ADAM12: variants seen among roughly 807,000 people sequenced by gnomAD.
ADAM12 encodes disintegrin and metalloproteinase domain-containing protein 12.
Under a neutral mutation model 106.4 loss-of-function variants are expected in ADAM12, and 70 were observed. That is an observed-to-expected ratio of 0.66 (90% CI 0.54 to 0.80). ADAM12 has a LOEUF of 0.80. Among genes scored for constraint, ADAM12 ranks in the 30% least tolerant of loss-of-function variants. The probability of loss-of-function intolerance (pLI) is 0.00; values close to 1 mark genes in which losing one functional copy is unlikely to be tolerated. For missense variants in ADAM12, 1,010 were observed against 1,171.9 expected, an observed-to-expected ratio of 0.86 and a Z score of 2.02; for synonymous variants, 420 against 433.5, an observed-to-expected ratio of 0.97 and a Z score of 0.39.
At chr10:126,340,589 T>C (rs1397875049) in intron 1 of ADAM12, among the ~76,000 whole-genome samples, 2 of 152,330 alleles carry the variant, frequency 1.3e-5, no homozygotes, top group Admixed American at 1.3e-4. Context: ...ACTTGGAGTA[T>C]GATTCAGACT....
chr10:126,075,884 G>T (rs1955091062), intron 11 of ADAM12, among the ~76,000 whole-genome samples: 1 of 152,184 alleles, frequency 6.6e-6, no homozygotes, highest in Non-Finnish European at 1.5e-5. Flanking sequence ...CTGTGCCTCT[G>T]TATGGGCCAG....
intron 5 of ADAM12, among the ~76,000 whole-genome samples, chr10:126,124,454 T>A (rs1956165953): frequency 6.6e-6 from 1 of 152,178 alleles, no homozygotes; most frequent in Admixed American, 6.5e-5. Context: ...ATATTCTTTA[T>A]CCTTTTACTA....
chr10:126,190,107 G>A (rs1269304138), intron 3 of ADAM12, among the ~76,000 whole-genome samples: 1 of 152,120 alleles, frequency 6.6e-6, no homozygotes, highest in Non-Finnish European at 1.5e-5. Flanking sequence ...CCCACCTGTT[G>A]AGACATCCCA....
intron 3 of ADAM12, among the ~76,000 whole-genome samples, chr10:126,247,276 G>T (rs1003834356): frequency 2.6e-5 from 4 of 152,178 alleles, no homozygotes; most frequent in Admixed American, 2.0e-4. Flanking sequence ...CCTTTAGAGA[G>T]AGTCTGAAAA....
chr10:126,347,268 C>T (rs559214937), intron 1 of ADAM12, among the ~76,000 whole-genome samples: 1 of 152,138 alleles, frequency 6.6e-6, no homozygotes, highest in Admixed American at 6.5e-5. Flanking sequence ...TTTTATTTCT[C>T]CTTCACTTAT....
chr10:126,144,057 G>C (rs1011122434), intron 4 of ADAM12, among the ~76,000 whole-genome samples: 2 of 152,174 alleles, frequency 1.3e-5, no homozygotes, highest in Admixed American at 1.3e-4. Context: ...TCCATAACAA[G>C]AACCATGTCT....
intron 3 of ADAM12, among the ~76,000 whole-genome samples, chr10:126,172,042 A>G (rs1307992222): frequency 6.6e-6 from 1 of 152,248 alleles, no homozygotes; most frequent in Non-Finnish European, 1.5e-5. Context: ...GATGTAATTT[A>G]TAATGATCAG....
chr10:126,073,162 C>T (rs184995528), intron 11 of ADAM12, among the ~76,000 whole-genome samples: 33 of 152,320 alleles, frequency 2.2e-4, no homozygotes, highest in East Asian at 3.9e-4. Context: ...TGCAGTGTCT[C>T]ACTGCAACCT....
At chr10:126,300,723 G>A (rs1960583016) in intron 2 of ADAM12, among the ~76,000 whole-genome samples, 1 of 151,920 alleles carries the variant, frequency 6.6e-6, no homozygotes. Context: ...GACCCTACTG[G>A]AGAATAAAAT....
At chr10:126,095,809 A>T (rs1391420566) in intron 10 of ADAM12, among the ~76,000 whole-genome samples, 1 of 152,128 alleles carries the variant, frequency 6.6e-6, no homozygotes, top group Non-Finnish European at 1.5e-5. Context: ...AGCCTCTGTA[A>T]CTGTAAGAAA....
intron 1 of ADAM12, among the ~76,000 whole-genome samples, chr10:126,359,788 C>T (rs551256970): frequency 6.6e-6 from 1 of 152,328 alleles, no homozygotes; most frequent in African/African-American, 2.4e-5. Context: ...CCTCTTCTCA[C>T]AGCTCTACTA....
intron 1 of ADAM12, among the ~76,000 whole-genome samples, chr10:126,351,473 C>T (rs1855356704): frequency 6.6e-6 from 1 of 152,172 alleles, no homozygotes; most frequent in Non-Finnish European, 1.5e-5. Flanking sequence ...GCTGGATTTC[C>T]CTGCCTGACA....
chr10:126,138,960 T>C (rs1243178515), intron 4 of ADAM12, among the ~76,000 whole-genome samples: 1 of 152,230 alleles, frequency 6.6e-6, no homozygotes, highest in Non-Finnish European at 1.5e-5. Flanking sequence ...GAACCATTTG[T>C]TGAAACACCT....
intron 11 of ADAM12, among the ~76,000 whole-genome samples, chr10:126,073,090 T>C (rs1413682863): frequency 6.6e-6 from 1 of 152,074 alleles, no homozygotes; most frequent in East Asian, 1.9e-4. Flanking sequence ...AATGACCAGG[T>C]ATTTATTTTT....
chr10:126,281,065 T>G, intron 2 of ADAM12, among the ~76,000 whole-genome samples: 1 of 152,324 alleles, frequency 6.6e-6, no homozygotes, highest in South Asian at 2.1e-4. Flanking sequence ...TTGCCTATAC[T>G]TGCTGACACC....
intron 2 of ADAM12, among the ~76,000 whole-genome samples, chr10:126,323,434 G>T (rs1854177854): frequency 3.3e-5 from 5 of 152,224 alleles, no homozygotes; most frequent in Admixed American, 3.3e-4. Context: ...CATTCTATCA[G>T]CTAGACGCAG....
chr10:126,168,365 T>C (rs1676746), intron 3 of ADAM12, among the ~76,000 whole-genome samples: 14,879 of 152,184 alleles, frequency 0.098, 2,093 homozygotes, highest in African/African-American at 0.31. Flanking sequence ...TGACTTTGAA[T>C]ATGAAATCCG....
intron 1 of ADAM12, among the ~76,000 whole-genome samples, chr10:126,360,733 A>G (rs144502867): frequency 0.011 from 1,615 of 152,142 alleles, 39 homozygotes; most frequent in African/African-American, 0.037. Context: ...AACTGTTTCA[A>G]CCTTTGCCTG....
intron 2 of ADAM12, among the ~76,000 whole-genome samples, chr10:126,323,067 A>C (rs998762157): frequency 9.9e-5 from 15 of 152,186 alleles, no homozygotes; most frequent in African/African-American, 3.6e-4. Flanking sequence ...GAGTCTGGGA[A>C]CAGTGTTCCA....
Sources: gnomAD v4.1 joint callset for allele counts (sites outside exome capture counted in the v4.1 genomes callset) on GRCh38, gnomAD v4.1.1 for gene constraint, MANE v1.5 for transcripts, NCBI Gene and HGNC (gene_info 2026-07-23, HGNC 2026-07-21) for gene names.